The following ANKH variants were observed in gnomAD, a reference collection of about 807,000 sequenced individuals.
The protein encoded by ANKH is mineralization regulator ANKH.
Under a neutral mutation model 49.0 loss-of-function variants are expected in ANKH, and 15 were observed. The ratio of observed to expected loss-of-function variants is 0.31; its 90% CI spans 0.20 to 0.47. The LOEUF (loss-of-function observed/expected upper bound fraction) is 0.47. Ranked by LOEUF, ANKH falls within the 20% of genes least tolerant of loss-of-function variation. ANKH has a pLI of 1.00. For missense variants in ANKH, 429 were observed against 652.0 expected, an observed-to-expected ratio of 0.66 and a Z score of 3.72; for synonymous variants, 273 against 260.0, an observed-to-expected ratio of 1.05 and a Z score of -0.48.
intron 1 of ANKH, among the ~76,000 whole-genome samples, chr5:14,861,437 T>A (rs1580123886): frequency 6.6e-6 from 1 of 152,186 alleles, no homozygotes; most frequent in Admixed American, 6.5e-5. Context: ...TCAACCTCAC[T>A]TTTGAAGCCA....
At chr5:14,711,402 G>A in intron 11 of ANKH, 92 bp from the exon 12 acceptor site, 2 of 1,114,176 alleles carry the variant, frequency 1.8e-6, no homozygotes, top group Non-Finnish European at 1.4e-6. Flanking sequence ...GGGTCTTGGG[G>A]GACCCCTCAC....
intron 1 of ANKH, among the ~76,000 whole-genome samples, chr5:14,778,991 A>G (rs1207284925): frequency 6.6e-6 from 1 of 152,158 alleles, no homozygotes; most frequent in African/African-American, 2.4e-5. Flanking sequence ...AGACTTTGAG[A>G]TGCATTCCTT....
chr5:14,863,402 G>T (rs1380986835), intron 1 of ANKH, among the ~76,000 whole-genome samples: 4 of 152,068 alleles, frequency 2.6e-5, no homozygotes, highest in African/African-American at 9.7e-5. Flanking sequence ...CTCCAAAGAT[G>T]CTATGTTATG....
In ANKH at chr5:14,709,766, A is replaced by G. The variant is rs1737088718; in HGVS notation, c.*1431T>C. 6.6e-6 allele frequency: 1 copy of G among 152,664 alleles called. No homozygotes were observed. Among genetic ancestry groups the G allele is most frequent in the South Asian group, 2.1e-4 (1 of 4,828 alleles). The allele number at this position is 152,664 out of a possible 1,614,324, so 9.5% of individuals were successfully genotyped here. A position where few individuals can be genotyped will look rare whatever the true frequency, so the allele number is the denominator to read the frequency against. On this transcript the variant is annotated 3_prime_UTR_variant, in exon 12 of 12. Transcript: ENST00000284268. Reference sequence around the variant, plus strand: ...TGCCAATAAGGTACAATGTTCATTGATACAATACGTTTCAACTGCAGGTAT... The same window carrying G: ...TGCCAATAAGGTACAATGTTCATTGGTACAATACGTTTCAACTGCAGGTAT...
chr5:14,735,307 A>G (rs570235016), intron 8 of ANKH, among the ~76,000 whole-genome samples: 44 of 152,352 alleles, frequency 2.9e-4, no homozygotes, highest in African/African-American at 1.1e-3. Context: ...ATAAAGTACT[A>G]TATTTCTAAG....
chr5:14,717,035 G>A, intron 8 of ANKH, 200 bp from the exon 9 acceptor site: 1 of 620,938 alleles, frequency 1.6e-6, no homozygotes, highest in South Asian at 1.7e-5. Flanking sequence ...CATTAGCCAT[G>A]TCTGTACCCA....
intron 8 of ANKH, among the ~76,000 whole-genome samples, chr5:14,735,635 G>A (rs559454194): frequency 6.6e-6 from 1 of 152,168 alleles, no homozygotes; most frequent in Non-Finnish European, 1.5e-5. Context: ...GCTAGGGAAG[G>A]GTCTGTTCCA....
intron 1 of ANKH, chr5:14,797,180 G>GT: frequency 7.5e-7 from 1 of 1,342,160 alleles, no homozygotes; most frequent in South Asian, 1.2e-5. Context: ...CATTATAAAT[G>GT]TTCTCTGCCA....
intron 1 of ANKH, chr5:14,869,822 A>C (rs997533216): frequency 6.6e-6 from 1 of 152,200 alleles, no homozygotes; most frequent in Non-Finnish European, 1.5e-5. Flanking sequence ...ACAAACACAC[A>C]CCAGTTCAGA....
chr5:14,862,220 G>C (rs551859477), intron 1 of ANKH, among the ~76,000 whole-genome samples: 1 of 152,294 alleles, frequency 6.6e-6, no homozygotes, highest in African/African-American at 2.4e-5. Context: ...TGGGCAACAA[G>C]AGCGAAACTG....
intron 4 of ANKH, 124 bp downstream of exon 4, chr5:14,755,737 G>T: frequency 1.2e-6 from 1 of 846,092 alleles, no homozygotes; most frequent in Non-Finnish European, 2.0e-6. Context: ...TGATGTAACG[G>T]TGCTGGCAAA....
At chr5:14,799,158 T>G (rs1740487793) in intron 1 of ANKH, among the ~76,000 whole-genome samples, 2 of 152,234 alleles carry the variant, frequency 1.3e-5, no homozygotes, top group South Asian at 4.1e-4. Flanking sequence ...AGCAAAAGCC[T>G]AATCCAGGGC....
At chr5:14,711,987 T>C (rs1254886061) in intron 11 of ANKH, among the ~76,000 whole-genome samples, 3 of 152,230 alleles carry the variant, frequency 2.0e-5, no homozygotes, top group Non-Finnish European at 4.4e-5. Flanking sequence ...CACCAACCCT[T>C]CATTGTGGCC....
intron 1 of ANKH, among the ~76,000 whole-genome samples, chr5:14,830,810 C>T (rs1054866688): frequency 6.6e-6 from 1 of 152,054 alleles, no homozygotes; most frequent in African/African-American, 2.4e-5. Flanking sequence ...ACCACTTTAC[C>T]CCCAACATCT....
chr5:14,720,427 G>C (rs1362881428), intron 8 of ANKH, among the ~76,000 whole-genome samples: 1 of 152,194 alleles, frequency 6.6e-6, no homozygotes, highest in Non-Finnish European at 1.5e-5. Flanking sequence ...ATCGTACACA[G>C]TCATAGCCCT....
chr5:14,787,445 G>GTA (rs1468750087), intron 1 of ANKH, among the ~76,000 whole-genome samples: 2 of 152,168 alleles, frequency 1.3e-5, no homozygotes, highest in African/African-American at 4.8e-5. Context: ...GAGTATATTT[G>GTA]TATGAGCAGA....
chr5:14,737,408 C>G lies in ANKH; in HGVS notation c.1011+4419G>C, dbSNP rs1320331036. Reference sequence around the variant, plus strand: ...CCACGTAAGAGGAAGGACTGTGGTGCCTGCTCCTCTCTTGTGAGCTCACTG... The same window carrying G: ...CCACGTAAGAGGAAGGACTGTGGTGGCTGCTCCTCTCTTGTGAGCTCACTG... On this transcript the variant is annotated intron_variant, in intron 8 of 11. Transcript: ENST00000284268. This position sits in a 1 kb window ranked among gnomAD's most constrained non-coding sequence, Gnocchi z 5.0. Among the ~76,000 whole-genome samples, 1 of 152,200 alleles carries G rather than the reference C, an allele frequency of 6.6e-6. No individual in the cohort carries two copies. The highest frequency in any genetic ancestry group is 2.4e-5 in the African/African-American group (1 of 41,450).
At chr5:14,809,390 A>G (rs1463327362) in intron 1 of ANKH, among the ~76,000 whole-genome samples, 2 of 151,488 alleles carry the variant, frequency 1.3e-5, no homozygotes, top group East Asian at 3.9e-4. Flanking sequence ...AGGAAAAAAA[A>G]ATAAAATAAA....
intron 1 of ANKH, among the ~76,000 whole-genome samples, chr5:14,792,772 C>T (rs1026454877): frequency 2.0e-5 from 3 of 151,078 alleles, no homozygotes; most frequent in African/African-American, 7.3e-5. Context: ...TTCAGGAGTT[C>T]GAGACCAGCC....
Sources: allele counts gnomAD v4.1 joint callset (sites outside exome capture counted in the v4.1 genomes callset), GRCh38; gene constraint gnomAD v4.1.1; non-coding constraint Gnocchi (gnomAD v3.1); transcripts MANE v1.5; gene names NCBI Gene and HGNC (gene_info 2026-07-23, HGNC 2026-07-21).